Variants in INSYN2B observed in about 807,000 individuals in gnomAD.
The protein encoded by INSYN2B is inhibitory synaptic factor family member 2B.
Under a neutral mutation model 41.2 loss-of-function variants are expected in INSYN2B, and 16 were observed. That is an observed-to-expected ratio of 0.39 (90% CI 0.26 to 0.59). The LOEUF is 0.59. Ranked by LOEUF, INSYN2B falls within the 20% of genes least tolerant of loss-of-function variation. The probability of loss-of-function intolerance (pLI) is 0.57; values close to 1 mark genes in which losing one functional copy is unlikely to be tolerated. For synonymous variants in INSYN2B, 245 were observed against 244.4 expected (o/e 1.00, Z -0.02); for missense variants, 608 against 646.4 (o/e 0.94, Z 0.64).
chr5:169,867,154 T>G lies in INSYN2B; in HGVS notation c.1422-2695A>C, dbSNP rs1327466444. On this transcript the variant is annotated intron_variant, in intron 3 of 3. Transcript: ENST00000377365. ...TGCAAAGGATACAGATGAAGAGATG[T>G]GTGGGGGCTTCAGCCCCTGTGTAGC... Among the ~76,000 whole-genome samples the G allele has an allele frequency of 7.9e-5, 12 of 152,220 alleles. 1 individual carries two copies. Among genetic ancestry groups the G allele is most frequent in the Admixed American group, 7.9e-4 (12 of 15,284 alleles).
chr5:169,908,163 A>G (rs888841609), intron 1 of INSYN2B, among the ~76,000 whole-genome samples: 1 of 152,182 alleles, frequency 6.6e-6, no homozygotes, highest in Non-Finnish European at 1.5e-5. Flanking sequence ...GCCAGAAAGG[A>G]ATTCATTAAT....
At chr5:169,892,652 G>T (rs761316950) in intron 1 of INSYN2B, among the ~76,000 whole-genome samples, 1 of 152,058 alleles carries the variant, frequency 6.6e-6, no homozygotes, top group Non-Finnish European at 1.5e-5. Flanking sequence ...AGACACCCAG[G>T]GAGATATGAC....
intron 1 of INSYN2B, among the ~76,000 whole-genome samples, chr5:169,916,755 C>T (rs949211796): frequency 1.3e-5 from 2 of 152,058 alleles, no homozygotes; most frequent in African/African-American, 4.8e-5. Flanking sequence ...AAGAATTTGG[C>T]ATATATAAGT....
At chr5:169,914,868 G>T (rs1774790561) in intron 1 of INSYN2B, among the ~76,000 whole-genome samples, 2 of 152,208 alleles carry the variant, frequency 1.3e-5, no homozygotes, top group African/African-American at 2.4e-5. Flanking sequence ...GATCTACAAA[G>T]TCCCTTCACA....
intron 1 of INSYN2B, among the ~76,000 whole-genome samples, chr5:169,926,095 CA>C (rs1471268953): frequency 1.3e-5 from 2 of 152,130 alleles, no homozygotes; most frequent in Non-Finnish European, 2.9e-5. Context: ...CTCTTAGAGA[CA>C]AGTGGGATGC....
Position 169,980,313 on chromosome 5 carries a change from C to A in INSYN2B, c.-955G>T, listed in dbSNP as rs1175965937. 3.3e-5 allele frequency: 5 copies of A among 152,202 alleles called. No homozygotes were observed. The highest frequency in any genetic ancestry group is 2.1e-4 in the South Asian group (1 of 4,826). 9.4% of individuals were successfully genotyped at this position (152,202 alleles called of 1,614,324 possible). The stretch of plus-strand genomic sequence containing the variant: ...GGAATTACCTGCAGAGGATGGTCCC[C>A]CTTCCTTGCACAATGAGCCAGGCTT... On this transcript the variant is annotated 5_prime_UTR_variant, in exon 1 of 4. Coordinates refer to ENST00000377365, the MANE Select transcript of INSYN2B (RefSeq NM_001129891.3).
At chr5:169,893,795 T>A (rs1773434265) in intron 1 of INSYN2B, among the ~76,000 whole-genome samples, 1 of 152,224 alleles carries the variant, frequency 6.6e-6, no homozygotes, top group African/African-American at 2.4e-5. Context: ...TCTAAGTTAT[T>A]TTTCAATGTT....
At chr5:169,935,655 G>A (rs965090110) in intron 1 of INSYN2B, among the ~76,000 whole-genome samples, 35 of 152,162 alleles carry the variant, frequency 2.3e-4, no homozygotes, top group African/African-American at 7.5e-4. Flanking sequence ...GGTGATGAAC[G>A]TTGCCGATGC....
intron 1 of INSYN2B, among the ~76,000 whole-genome samples, chr5:169,936,576 TC>T (rs1434692596): frequency 2.2e-5 from 3 of 136,130 alleles, no homozygotes; most frequent in African/African-American, 9.0e-5. Flanking sequence ...ATTCTCAGAC[TC>T]CTTTTTTTTT....
chr5:169,897,705 AC>A (rs550870685), intron 1 of INSYN2B, among the ~76,000 whole-genome samples: 1 of 152,162 alleles, frequency 6.6e-6, no homozygotes, highest in Non-Finnish European at 1.5e-5. Context: ...CTGCCTTGTG[AC>A]GGGGTGAGCT....
chr5:169,903,887 G>A (rs1381421962), intron 1 of INSYN2B, among the ~76,000 whole-genome samples: 2 of 151,980 alleles, frequency 1.3e-5, no homozygotes, highest in East Asian at 1.9e-4. Context: ...ATCACCTGAG[G>A]TCAGGAGTTC....
chr5:169,879,406 C>T (rs558739151), intron 3 of INSYN2B, among the ~76,000 whole-genome samples: 1 of 152,292 alleles, frequency 6.6e-6, no homozygotes, highest in East Asian at 1.9e-4. Context: ...ACTGTTACTA[C>T]GATGGGGCTG....
intron 1 of INSYN2B, among the ~76,000 whole-genome samples, chr5:169,918,282 C>G (rs947332280): frequency 6.6e-6 from 1 of 152,200 alleles, no homozygotes; most frequent in Non-Finnish European, 1.5e-5. Flanking sequence ...TACTATCTCT[C>G]AAAATGTTGT....
At chr5:169,970,326 C>T (rs1464201087) in intron 1 of INSYN2B, among the ~76,000 whole-genome samples, 1 of 152,158 alleles carries the variant, frequency 6.6e-6, no homozygotes, top group Non-Finnish European at 1.5e-5. Context: ...CCTATTTGGT[C>T]AGAAAAGTAA....
In INSYN2B at chr5:169,927,245, C is replaced by G. The variant is rs529354375; in HGVS notation, c.-918-42429G>C. Among the ~76,000 whole-genome samples the G allele has an allele frequency of 5.3e-5, 8 of 152,182 alleles. No homozygotes were observed. The South Asian group carries it at 8.3e-4, about 16-fold the overall frequency. On this transcript the variant is annotated intron_variant, in intron 1 of 3. Transcript: ENST00000377365. ...GAAGGGAAGCAGCTTCAGATGAATT[C>G]GGAGAGGTAGAAGCAGCCAGATCCT...
intron 1 of INSYN2B, among the ~76,000 whole-genome samples, chr5:169,918,058 T>C (rs184275578): frequency 2.6e-5 from 4 of 152,346 alleles, no homozygotes; most frequent in Admixed American, 2.6e-4. Context: ...CATAAACTTC[T>C]GATATTCTAC....
intron 1 of INSYN2B, among the ~76,000 whole-genome samples, chr5:169,976,954 G>A (rs1180498268): frequency 1.3e-5 from 2 of 152,228 alleles, no homozygotes; most frequent in Non-Finnish European, 2.9e-5. Context: ...GGATCAAAAA[G>A]CTTCTTAGGA....
At chr5:169,940,864 G>A (rs1398503032) in intron 1 of INSYN2B, among the ~76,000 whole-genome samples, 4 of 152,354 alleles carry the variant, frequency 2.6e-5, no homozygotes, top group African/African-American at 9.6e-5. Context: ...CATGGTCCAG[G>A]TGTTGGGGAC....
In INSYN2B at chr5:169,864,224, C is replaced by T; in HGVS notation, c.*49G>A. 1 of 1,476,012 alleles carries T rather than the reference C, an allele frequency of 6.8e-7. No homozygotes were observed. The highest frequency in any genetic ancestry group is 2.5e-5 in the East Asian group (1 of 40,632). 91.4% of individuals were successfully genotyped at this position (1,476,012 alleles called of 1,614,324 possible). Reference sequence around the variant, plus strand: ...GCCTTAAGTGCAGTGGATTTCCCATCTCAGGGAAGTGCGTGGAGTTGGGGG... The same window carrying T: ...GCCTTAAGTGCAGTGGATTTCCCATTTCAGGGAAGTGCGTGGAGTTGGGGG... On this transcript the variant is annotated 3_prime_UTR_variant, in exon 4 of 4. Coordinates refer to ENST00000377365, the MANE Select transcript of INSYN2B (RefSeq NM_001129891.3).
Sources: gnomAD v4.1 joint callset for allele counts (sites outside exome capture counted in the v4.1 genomes callset) on GRCh38, gnomAD v4.1.1 for gene constraint, MANE v1.5 for transcripts, NCBI Gene and HGNC (gene_info 2026-07-23, HGNC 2026-07-21) for gene names.